The following VPS53 variants were observed in gnomAD, a reference collection of about 807,000 sequenced individuals.
The protein encoded by VPS53 is vacuolar protein sorting-associated protein 53 homolog.
Under a neutral mutation model 107.0 loss-of-function variants are expected in VPS53, and 70 were observed. The ratio of observed to expected loss-of-function variants is 0.65; its 90% confidence interval spans 0.54 to 0.80. The LOEUF (loss-of-function observed/expected upper bound fraction) is 0.80. Ranked by LOEUF, VPS53 falls within the 30% of genes least tolerant of loss-of-function variation. VPS53 has a pLI of 0.00. For synonymous variants in VPS53, 409 were observed against 393.3 expected (o/e 1.04, Z -0.47); for missense variants, 917 against 1,049.4 (o/e 0.87, Z 1.74).
chr17:697,305 T>C lies in VPS53; in HGVS notation c.285+113A>G, dbSNP rs935265763. 6.7e-6 allele frequency: 6 copies of C among 894,864 alleles called. No individual in the cohort carries two copies. The African/African-American group carries it at 9.8e-5, about 15-fold the overall frequency. 55.4% of individuals were successfully genotyped at this position (894,864 alleles called of 1,614,324 possible). A position where few individuals can be genotyped will look rare whatever the true frequency, so the allele number is the denominator to read the frequency against. ...CTGCCCTGTCTTGTCCTGCCATGTA[T>C]GAAACGGATCAATCGGAAAGTGCTC... is the stretch of plus-strand genomic sequence containing the variant. On this transcript the variant is annotated intron_variant, in intron 4 of 21. Transcript: ENST00000437048.
At chr17:574,626 G>T (rs1051781420) in intron 13 of VPS53, among the ~76,000 whole-genome samples, 1 of 152,066 alleles carries the variant, frequency 6.6e-6, no homozygotes, top group African/African-American at 2.4e-5. Context: ...TTAGCCAGGT[G>T]TGGTGGTGTG....
At chr17:581,118 C>T (rs1391900179) in intron 13 of VPS53, among the ~76,000 whole-genome samples, 1 of 151,996 alleles carries the variant, frequency 6.6e-6, no homozygotes, top group African/African-American at 2.4e-5. Context: ...GAGAACCTCC[C>T]TCAGGACCTA....
intron 8 of VPS53, among the ~76,000 whole-genome samples, chr17:630,185 T>C (rs1175499780): frequency 1.3e-5 from 2 of 151,832 alleles, no homozygotes; most frequent in East Asian, 1.9e-4. Context: ...TCCCAGCTAT[T>C]TGGGAGGCTG....
chr17:563,287 CTTTTTTTT>C (rs36076034), intron 13 of VPS53, among the ~76,000 whole-genome samples: 22,327 of 103,958 alleles, frequency 0.21, 2,097 homozygotes, highest in Non-Finnish European at 0.27. Context: ...ACTTCATTTC[CTTTTTTTT>C]TTTTTTTTTT....
Position 512,408 on chromosome 17 carries a change from A to G in VPS53, c.*6720T>C, listed in dbSNP as rs1908001859. The G allele has an allele frequency of 6.6e-6, 1 of 152,258 alleles. No homozygotes were observed. The highest frequency in any genetic ancestry group is 6.5e-5 in the Admixed American group (1 of 15,284). 9.4% of individuals were successfully genotyped at this position (152,258 alleles called of 1,614,324 possible). A position where few individuals can be genotyped will look rare whatever the true frequency, so the allele number is the denominator to read the frequency against. On this transcript the variant is annotated 3_prime_UTR_variant, in exon 22 of 22. Transcript: ENST00000437048. ...GTGCCAGGTCCAAATCAAGACCTGCAGATCAAGTCTTCTGTGGATGCTTCC... is the reference window on the plus strand; with the variant it reads ...GTGCCAGGTCCAAATCAAGACCTGCGGATCAAGTCTTCTGTGGATGCTTCC...
chr17:708,987 A>G (rs1378484229), intron 2 of VPS53, among the ~76,000 whole-genome samples: 1 of 151,980 alleles, frequency 6.6e-6, no homozygotes, highest in African/African-American at 2.4e-5. Context: ...TTCCCTCATC[A>G]TCCTGGAAGA....
intron 20 of VPS53, 61 bp downstream of exon 20, chr17:521,540 C>A: frequency 6.8e-7 from 1 of 1,465,956 alleles, no homozygotes. Context: ...CTTTCAAAAC[C>A]AAGGCTTCTC....
intron 13 of VPS53, among the ~76,000 whole-genome samples, chr17:582,270 C>A (rs369703764): frequency 7.5e-6 from 1 of 132,726 alleles, no homozygotes; most frequent in African/African-American, 2.8e-5. Context: ...ATTCTGAGAA[C>A]CTCCCTCAAA....
Position 512,599 on chromosome 17 carries a change from C to A in VPS53, c.*6529G>T, listed in dbSNP as rs1317881830. On this transcript the variant is annotated 3_prime_UTR_variant, in exon 22 of 22. Transcript: ENST00000437048. ...AGGTTCTTTTCTCATTAGGTTGATC[C>A]CTTGGCTTCCCTAGTAAAGTGGGGA... The A allele has an allele frequency of 6.6e-6, 1 of 152,182 alleles. No homozygotes were observed. The highest frequency in any genetic ancestry group is 1.5e-5 in the Non-Finnish European group (1 of 68,040). The allele number at this position is 152,182 out of a possible 1,614,324, so 9.4% of individuals were successfully genotyped here.
chr17:684,508 T>C (rs1219535312), intron 4 of VPS53, among the ~76,000 whole-genome samples: 1 of 152,044 alleles, frequency 6.6e-6, no homozygotes, highest in Non-Finnish European at 1.5e-5. Flanking sequence ...ATGAGCAAGA[T>C]CTATATACTA....
chr17:529,396 A>T (rs868195203), intron 19 of VPS53, among the ~76,000 whole-genome samples: 2 of 101,574 alleles, frequency 2.0e-5, no homozygotes, highest in South Asian at 3.4e-4. Flanking sequence ...ACACACACAC[A>T]CTCACACACA....
intron 12 of VPS53, among the ~76,000 whole-genome samples, chr17:592,530 G>A (rs191526165): frequency 0.023 from 3,499 of 152,128 alleles, 42 homozygotes; most frequent in Middle Eastern, 0.034. Flanking sequence ...GGCTGGTACC[G>A]GTTGTTCCTT....
At chr17:572,892 G>A (rs1338699887) in intron 13 of VPS53, among the ~76,000 whole-genome samples, 4 of 151,414 alleles carry the variant, frequency 2.6e-5, no homozygotes, top group East Asian at 3.9e-4. Context: ...CAAACACTGC[G>A]GAAGGCCTCA....
chr17:664,042 G>A (rs779672687), intron 4 of VPS53, among the ~76,000 whole-genome samples: 23 of 152,266 alleles, frequency 1.5e-4, no homozygotes, highest in Non-Finnish European at 2.6e-4. Flanking sequence ...GGGACCTGCA[G>A]GATGAGGAGG....
intron 2 of VPS53, among the ~76,000 whole-genome samples, chr17:700,168 T>C (rs1016934147): frequency 6.6e-6 from 1 of 152,210 alleles, no homozygotes; most frequent in African/African-American, 2.4e-5. Context: ...ATAGGAGTAA[T>C]TGTAATGTAT....
At chr17:568,587 T>A (rs779775056) in intron 13 of VPS53, among the ~76,000 whole-genome samples, 13 of 152,236 alleles carry the variant, frequency 8.5e-5, no homozygotes, top group African/African-American at 3.1e-4. Flanking sequence ...CTAATTTGCA[T>A]CCCTTCCTCT....
At chr17:585,777 G>C (rs1453124377) in intron 13 of VPS53, among the ~76,000 whole-genome samples, 1 of 152,204 alleles carries the variant, frequency 6.6e-6, no homozygotes, top group Non-Finnish European at 1.5e-5. Flanking sequence ...TAATGGGACA[G>C]TATTACCTTC....
intron 13 of VPS53, among the ~76,000 whole-genome samples, chr17:585,448 G>C (rs1274598994): frequency 6.6e-6 from 1 of 152,196 alleles, no homozygotes; most frequent in East Asian, 1.9e-4. Flanking sequence ...TTTGAGCCCA[G>C]GAGTTCCAGA....
chr17:572,022 A>G, intron 13 of VPS53, among the ~76,000 whole-genome samples: 1 of 149,692 alleles, frequency 6.7e-6, no homozygotes. Context: ...GGATGTGAGG[A>G]GCCCCTCTGC....
Sources: allele counts gnomAD v4.1 joint callset (sites outside exome capture counted in the v4.1 genomes callset), GRCh38; gene constraint gnomAD v4.1.1; transcripts MANE v1.5; gene names NCBI Gene and HGNC (gene_info 2026-07-23, HGNC 2026-07-21).